Variants in SEM1 observed in about 807,000 individuals in gnomAD.
SEM1 encodes 26S proteasome complex subunit SEM1.
In SEM1, 3 loss-of-function variants were observed where a neutral mutation model predicts 12.7. The ratio of observed to expected loss-of-function variants is 0.24; its 90% CI spans 0.11 to 0.61. The LOEUF (loss-of-function observed/expected upper bound fraction) is 0.61. Among genes scored for constraint, SEM1 ranks in the 20% least tolerant of loss-of-function variants. The pLI, the probability that SEM1 is intolerant of heterozygous loss-of-function variation, is 0.88. For missense variants in SEM1, 59 were observed against 81.3 expected (o/e 0.73, Z 1.06); for synonymous variants, 30 against 27.8 (o/e 1.08, Z -0.25).
At chr7:96,647,303 G>A (rs1223146866) in intron 2 of SEM1, 2 of 152,168 alleles carry the variant, frequency 1.3e-5, no homozygotes, top group African/African-American at 4.8e-5. Context: ...AATTCCATGA[G>A]ATCATGCATG....
chr7:96,491,550 T>C (rs1803009053), intron 1 of SEM1, among the ~76,000 whole-genome samples: 1 of 152,186 alleles, frequency 6.6e-6, no homozygotes. Flanking sequence ...CAAGTGTATG[T>C]GACAGATGTT....
At chr7:96,672,149 G>GA (rs1328435231), downstream of SEM1, among the ~76,000 whole-genome samples, 1 of 152,170 alleles carries the variant, frequency 6.6e-6, no homozygotes, top group Admixed American at 6.5e-5. Flanking sequence ...CACACCCAGT[G>GA]ATTCTTCTCA....
At chr7:96,659,357 A>G (rs866695257) in intron 2 of SEM1, among the ~76,000 whole-genome samples, 6 of 152,340 alleles carry the variant, frequency 3.9e-5, no homozygotes, top group South Asian at 2.1e-4. Context: ...GTGCTGACAG[A>G]AAATCACTGC....
At chr7:96,557,771 CG>C (rs1177734976) in intron 2 of SEM1, among the ~76,000 whole-genome samples, 1 of 151,744 alleles carries the variant, frequency 6.6e-6, no homozygotes, top group Non-Finnish European at 1.5e-5. Context: ...TAGGCAATGG[CG>C]GGCGCCCTTC....
At chr7:96,497,508 T>A (rs990782213), upstream of SEM1, among the ~76,000 whole-genome samples, 1 of 152,204 alleles carries the variant, frequency 6.6e-6, no homozygotes, top group African/African-American at 2.4e-5. Context: ...CATAAACCTG[T>A]ATAGTCTCTA....
rs1334112374 is a variant in SEM1, at chr7:96,650,626, T to G, written c.171-27983A>C. The G allele has an allele frequency of 2.1e-5, 14 of 656,324 alleles. No individual in the cohort carries two copies. In the Admixed American group the frequency reaches 3.1e-4, roughly 14 times the overall value. The allele number at this position is 656,324 out of a possible 1,614,324, so 40.7% of individuals were successfully genotyped here. On this transcript the variant is annotated intron_variant, in intron 2 of 2. Transcript: ENST00000417009. Reference sequence around the variant, plus strand: ...TAAAAGACATTACTTAGAATTTAAATGAAACCCCCCAAGTTCCAAATTTAA... The same window carrying G: ...TAAAAGACATTACTTAGAATTTAAAGGAAACCCCCCAAGTTCCAAATTTAA...
At chr7:96,513,846 T>C (rs777908688) in intron 2 of SEM1, among the ~76,000 whole-genome samples, 7 of 151,996 alleles carry the variant, frequency 4.6e-5, no homozygotes, top group Non-Finnish European at 7.4e-5. Flanking sequence ...AAAAAATTCG[T>C]TATAAAAATG....
chr7:96,636,094 G>A (rs1237806283), intron 2 of SEM1, among the ~76,000 whole-genome samples: 1 of 151,722 alleles, frequency 6.6e-6, no homozygotes, highest in Non-Finnish European at 1.5e-5. Flanking sequence ...AAACCTCTAG[G>A]CTCAAAACCA....
chr7:96,509,153 ATTTT>A (rs71127457), intron 2 of SEM1, among the ~76,000 whole-genome samples: 61 of 120,814 alleles, frequency 5.0e-4, no homozygotes, highest in African/African-American at 1.8e-3. Flanking sequence ...CGTCCAGCTA[ATTTT>A]TTTTTTTTTT....
intron 1 of SEM1, chr7:96,696,410 G>C (rs1373841113): frequency 1.3e-5 from 2 of 151,888 alleles, no homozygotes; most frequent in Admixed American, 6.6e-5. Context: ...CAAATTCTTC[G>C]TTAATTATCT....
At chr7:96,664,772 A>G (rs1473446043) in intron 2 of SEM1, among the ~76,000 whole-genome samples, 1 of 152,208 alleles carries the variant, frequency 6.6e-6, no homozygotes, top group Non-Finnish European at 1.5e-5. Context: ...TAGTGCATAG[A>G]CAACAGAAAC....
intron 1 of SEM1, among the ~76,000 whole-genome samples, chr7:96,495,909 C>T (rs1803225276): frequency 6.6e-6 from 1 of 152,036 alleles, no homozygotes; most frequent in Admixed American, 6.6e-5. Context: ...TATCTCTCCC[C>T]CTCCCTTCAC....
chr7:96,656,300 G>A (rs1459000981), intron 2 of SEM1, among the ~76,000 whole-genome samples: 1 of 152,108 alleles, frequency 6.6e-6, no homozygotes, highest in Non-Finnish European at 1.5e-5. Flanking sequence ...CCTACTGCCT[G>A]ACCATTCTCT....
At chr7:96,552,910 C>T (rs1400594559) in intron 2 of SEM1, among the ~76,000 whole-genome samples, 66 of 149,454 alleles carry the variant, frequency 4.4e-4, no homozygotes, top group African/African-American at 1.6e-3. Flanking sequence ...GATGGTATCT[C>T]ATTGTGGTTT....
chr7:96,571,214 T>C (rs915469214), intron 2 of SEM1, among the ~76,000 whole-genome samples: 15 of 152,222 alleles, frequency 9.9e-5, no homozygotes, highest in African/African-American at 3.4e-4. Flanking sequence ...TTTAATTAGA[T>C]CCCATTTGTC....
At chr7:96,516,247 C>A (rs1804092299) in intron 2 of SEM1, among the ~76,000 whole-genome samples, 4 of 152,166 alleles carry the variant, frequency 2.6e-5, no homozygotes, top group Middle Eastern at 3.4e-3. Context: ...TGGACTTCAT[C>A]CAAATTAAAA....
intron 2 of SEM1, among the ~76,000 whole-genome samples, chr7:96,485,536 CTTTT>C (rs61088450): frequency 1.3e-5 from 1 of 76,702 alleles, no homozygotes. Context: ...TCTCTACATT[CTTTT>C]TTTTTTTTTT....
At chr7:96,651,232 T>C (rs928679613) in intron 2 of SEM1, among the ~76,000 whole-genome samples, 1 of 152,174 alleles carries the variant, frequency 6.6e-6, no homozygotes, top group Non-Finnish European at 1.5e-5. Flanking sequence ...GAAAAGGTGT[T>C]AGGCTCTTCC....
At chr7:96,540,696 G>A (rs1007405880) in intron 2 of SEM1, among the ~76,000 whole-genome samples, 1 of 151,770 alleles carries the variant, frequency 6.6e-6, no homozygotes, top group Non-Finnish European at 1.5e-5. Context: ...GCTGAGGTTT[G>A]AGGTACGGAT....
Sources: gnomAD v4.1 joint callset for allele counts (sites outside exome capture counted in the v4.1 genomes callset) on GRCh38, gnomAD v4.1.1 for gene constraint, MANE v1.5 for transcripts, NCBI Gene and HGNC (gene_info 2026-07-23, HGNC 2026-07-21) for gene names.